The following NEDD9 variants were observed in gnomAD, a reference collection of about 807,000 sequenced individuals.
The protein encoded by NEDD9 is neural precursor cell expressed, developmentally down-regulated 9, also known as enhancer of filamentation 1.
In NEDD9, 26 loss-of-function variants were observed where a neutral mutation model predicts 76.6. That is an observed-to-expected ratio of 0.34 (90% CI 0.25 to 0.47). The LOEUF is 0.47. Ranked by LOEUF, NEDD9 falls within the 20% of genes least tolerant of loss-of-function variation. NEDD9 has a pLI of 1.00. For synonymous variants in NEDD9, 392 were observed against 414.2 expected (o/e 0.95, Z 0.65); for missense variants, 937 against 1,058.5 (o/e 0.89, Z 1.59).
chr6:11,311,741 C>A (rs749234428), intron 2 of NEDD9, among the ~76,000 whole-genome samples: 2 of 152,212 alleles, frequency 1.3e-5, no homozygotes, highest in Non-Finnish European at 2.9e-5. Context: ...GGTGCAGTGG[C>A]TCACGCCTGT....
At chr6:11,313,645 G>A (rs1761451940) in intron 2 of NEDD9, among the ~76,000 whole-genome samples, 1 of 152,124 alleles carries the variant, frequency 6.6e-6, no homozygotes. Context: ...GGTGGAAAGA[G>A]AATAGGAAAG....
intron 3 of NEDD9, among the ~76,000 whole-genome samples, chr6:11,294,007 G>GTGTGTGTGTGTGTGTGTA (rs1760835837): frequency 0.012 from 1 of 86 alleles, no homozygotes; most frequent in Non-Finnish European, 0.023. Flanking sequence ...CATTGTGTAA[G>GTGTGTGTGTGTGTGTGTA]TGTGTGTGTG....
chr6:11,346,528 A>G (rs1762368988), intron 1 of NEDD9, among the ~76,000 whole-genome samples: 1 of 152,010 alleles, frequency 6.6e-6, no homozygotes, highest in African/African-American at 2.4e-5. Context: ...GGTAAAATAA[A>G]CCCAATTATG....
At chr6:11,266,257 C>T (rs1760199648) in intron 3 of NEDD9, among the ~76,000 whole-genome samples, 1 of 152,106 alleles carries the variant, frequency 6.6e-6, no homozygotes, top group African/African-American at 2.4e-5. Context: ...TCCCCCCTCA[C>T]TTACTCCAGG....
chr6:11,218,640 T>C (rs949120342), intron 1 of NEDD9, among the ~76,000 whole-genome samples: 3 of 152,214 alleles, frequency 2.0e-5, no homozygotes, highest in Non-Finnish European at 2.9e-5. Flanking sequence ...TAAGTTGAAA[T>C]GGATTCTGGA....
upstream of NEDD9, among the ~76,000 whole-genome samples, chr6:11,236,087 G>T (rs181980175): frequency 1.4e-4 from 21 of 152,296 alleles, 1 homozygote; most frequent in East Asian, 3.7e-3. The surrounding 1 kb of genome is among the most constrained non-coding windows in gnomAD (Gnocchi z 5.5). Flanking sequence ...AACACAAATT[G>T]TCTCAGTGAA....
intron 2 of NEDD9, among the ~76,000 whole-genome samples, chr6:11,316,100 C>T (rs1183703369): frequency 6.6e-6 from 1 of 152,216 alleles, no homozygotes; most frequent in Non-Finnish European, 1.5e-5. Flanking sequence ...TCCACTTCTG[C>T]AGCACTCTTG....
chr6:11,260,032 A>T (rs1363898691), intron 3 of NEDD9, among the ~76,000 whole-genome samples: 1 of 152,094 alleles, frequency 6.6e-6, no homozygotes, highest in Non-Finnish European at 1.5e-5. Flanking sequence ...TCGTACCATT[A>T]GGGATTCATT....
intron 3 of NEDD9, among the ~76,000 whole-genome samples, chr6:11,245,099 T>C (rs1015841548): frequency 2.6e-5 from 4 of 152,250 alleles, no homozygotes; most frequent in African/African-American, 7.2e-5. Context: ...TCAGTCAATA[T>C]GCTGTGTTGA....
intron 3 of NEDD9, among the ~76,000 whole-genome samples, chr6:11,253,460 G>T (rs949134652): frequency 3.9e-5 from 6 of 152,116 alleles, no homozygotes; most frequent in African/African-American, 1.4e-4. Flanking sequence ...GAAAATTGCT[G>T]GAGAATATTT....
rs753253031 is a variant in NEDD9 at position 11,366,270 on chromosome 6, A to AGAAGGAAGGAAGGAAGGAAGGAAGGAAG, written c.-214+15868_-214+15869insCTTCCTTCCTTCCTTCCTTCCTTCCTTC. 1.4e-3 allele frequency among the ~76,000 whole-genome samples: 180 copies of AGAAGGAAGGAAGGAAGGAAGGAAGGAAG among 132,432 alleles called. 4 individuals are homozygous for AGAAGGAAGGAAGGAAGGAAGGAAGGAAG. The highest frequency in any genetic ancestry group is 4.9e-3 in the African/African-American group (147 of 30,224). 86.9% of individuals were successfully genotyped at this position (132,432 alleles called of 152,430 possible). On this transcript the variant is annotated intron_variant, in intron 1 of 3. Transcript: ENST00000397378. Reference sequence around the variant, plus strand: ...GGGTGACAGAGTGAGAGTCTGAGAAAGAAGGAAGGAAGGAAGGAAGGAAGG... The same window carrying AGAAGGAAGGAAGGAAGGAAGGAAGGAAG: ...GGGTGACAGAGTGAGAGTCTGAGAAAGAAGGAAGGAAGGAAGGAAGGAAGGAAGGAAGGAAGGAAGGAAGGAAGGAAGG...
rs113659690 is a variant in NEDD9, at chr6:11,358,024, C to T, written c.-213-23463G>A. On this transcript the variant is annotated intron_variant, in intron 1 of 3. Transcript: ENST00000397378. ...CAGCACTTTGGGAGGCCAAGGCGGG[C>T]GGATCACGAGGTCAGGAGATCGAGA... is the stretch of plus-strand genomic sequence containing the variant. Among the ~76,000 whole-genome samples the T allele has an allele frequency of 4.0e-3, 604 of 152,112 alleles. 5 individuals carry two copies. The highest frequency in any genetic ancestry group is 0.014 in the African/African-American group (564 of 41,490).
At chr6:11,348,843 C>T (rs1455331969) in intron 1 of NEDD9, among the ~76,000 whole-genome samples, 1 of 152,158 alleles carries the variant, frequency 6.6e-6, no homozygotes, top group Non-Finnish European at 1.5e-5. Context: ...CTAGGCAATA[C>T]CATTCTGGGC....
At chr6:11,246,675 T>TC (rs1460101026) in intron 3 of NEDD9, among the ~76,000 whole-genome samples, 1 of 152,138 alleles carries the variant, frequency 6.6e-6, no homozygotes, top group African/African-American at 2.4e-5. Flanking sequence ...GTTTTTCACT[T>TC]CCCACCCACA....
intron 1 of NEDD9, among the ~76,000 whole-genome samples, chr6:11,217,138 T>A (rs1758977677): frequency 6.6e-6 from 1 of 152,220 alleles, no homozygotes; most frequent in Non-Finnish European, 1.5e-5. Flanking sequence ...TCGAAAAGAT[T>A]TGGTGTTGGT....
rs530446397 is a variant in NEDD9 at position 11,317,347 on chromosome 6, T to A, written c.-152-11192A>T. On this transcript the variant is annotated intron_variant, in intron 2 of 3. Transcript: ENST00000397378. Reference sequence around the variant, plus strand: ...ACTCGGGAGGCTGAGGAAGGAGAATTGCTTGAAACTGGGAGGTGGAGGTAG... The same window carrying A: ...ACTCGGGAGGCTGAGGAAGGAGAATAGCTTGAAACTGGGAGGTGGAGGTAG... 2.0e-5 allele frequency among the ~76,000 whole-genome samples: 3 copies of A among 151,576 alleles called. No homozygotes were observed. In the South Asian group the frequency reaches 6.3e-4, roughly 32 times the overall value.
intron 1 of NEDD9, among the ~76,000 whole-genome samples, chr6:11,353,951 G>A (rs539183586): frequency 3.3e-5 from 5 of 152,320 alleles, no homozygotes; most frequent in Non-Finnish European, 7.3e-5. Context: ...ATAATTCAAC[G>A]GTCTTGGGGG....
intron 1 of NEDD9, among the ~76,000 whole-genome samples, chr6:11,381,947 G>C (rs1763070428): frequency 6.6e-6 from 1 of 152,188 alleles, no homozygotes; most frequent in Non-Finnish European, 1.5e-5. Flanking sequence ...ACTAAAACCA[G>C]CACCTCCAGG....
chr6:11,356,723 A>C (rs1762582651), intron 1 of NEDD9, among the ~76,000 whole-genome samples: 2 of 128,034 alleles, frequency 1.6e-5, no homozygotes, highest in African/African-American at 3.1e-5. Flanking sequence ...CATCATCATA[A>C]CCCACCCCCC....
Sources: gnomAD v4.1 joint callset for allele counts (sites outside exome capture counted in the v4.1 genomes callset) on GRCh38, gnomAD v4.1.1 for gene constraint, Gnocchi (gnomAD v3.1) non-coding constraint, MANE v1.5 for transcripts, NCBI Gene and HGNC (gene_info 2026-07-23, HGNC 2026-07-21) for gene names.